The following ARHGAP26 variants were observed in gnomAD, a reference collection of about 807,000 sequenced individuals.
ARHGAP26 encodes the protein rho GTPase-activating protein 26.
A neutral mutation model predicts 104.8 loss-of-function variants in ARHGAP26; 38 were observed. That is an observed-to-expected ratio of 0.36 (90% CI 0.28 to 0.48). The LOEUF is 0.48. Among genes scored for constraint, ARHGAP26 ranks in the 20% least tolerant of loss-of-function variants. The pLI is 0.99. For synonymous variants in ARHGAP26, 341 were observed against 340.0 expected (o/e 1.00, Z -0.03); for missense variants, 704 against 947.9 (o/e 0.74, Z 3.38).
At chr5:142,780,742 C>T (rs1398933746) in intron 1 of ARHGAP26, among the ~76,000 whole-genome samples, 7 of 152,058 alleles carry the variant, frequency 4.6e-5, no homozygotes, top group Non-Finnish European at 7.4e-5. Context: ...TCAGGAGATT[C>T]GGCAGGTTTG....
intron 7 of ARHGAP26, among the ~76,000 whole-genome samples, chr5:142,902,621 C>T (rs1489927344): frequency 2.0e-5 from 3 of 152,220 alleles, no homozygotes; most frequent in African/African-American, 7.2e-5. Context: ...GAGCCCCCTT[C>T]TTCACTGTGG....
chr5:142,800,861 C>A (rs186155844), intron 1 of ARHGAP26, among the ~76,000 whole-genome samples: 9 of 152,222 alleles, frequency 5.9e-5, no homozygotes, highest in African/African-American at 2.2e-4. Context: ...GGGAGGAAAG[C>A]GGAGGCCGTG....
intron 11 of ARHGAP26, among the ~76,000 whole-genome samples, chr5:142,993,672 T>C (rs1402959129): frequency 2.0e-5 from 3 of 152,118 alleles, no homozygotes. Context: ...AGGGCCTCGC[T>C]CTGTCACCCA....
intron 20 of ARHGAP26, among the ~76,000 whole-genome samples, chr5:143,148,526 G>A (rs1273164608): frequency 6.6e-6 from 1 of 152,188 alleles, no homozygotes; most frequent in Non-Finnish European, 1.5e-5. Flanking sequence ...GATCTTTTTA[G>A]TTGTTGGCAG....
chr5:142,977,542 T>C (rs1441936963), intron 11 of ARHGAP26, among the ~76,000 whole-genome samples: 1 of 152,104 alleles, frequency 6.6e-6, no homozygotes, highest in Admixed American at 6.6e-5. Flanking sequence ...GGTGTTTTTT[T>C]CCCCCTGCTG....
chr5:142,995,338 A>C (rs1412703867), intron 11 of ARHGAP26, among the ~76,000 whole-genome samples: 1 of 152,216 alleles, frequency 6.6e-6, no homozygotes, highest in Non-Finnish European at 1.5e-5. Context: ...AACCCCATCA[A>C]AAAGTGGATG....
At position 142,873,386 on chromosome 5, in the gene ARHGAP26, CTT is replaced by C; in HGVS notation, c.155-10_155-9del. 1.9e-6 allele frequency: 3 copies of C among 1,587,728 alleles called. No homozygotes were observed. Among genetic ancestry groups the C allele is most frequent in the Non-Finnish European group, 2.6e-6 (3 of 1,170,158 alleles). The stretch of plus-strand genomic sequence containing the variant: ...TTTAGTAATTCCTGATTTTTCCTGT[CTT>C]TTTCTTGCTAGATTTGTCTTCAGCG... On this transcript the variant is annotated splice_polypyrimidine_tract_variant and intron_variant, in intron 1 of 22. Coordinates refer to ENST00000645722, the MANE Select transcript of ARHGAP26 (RefSeq NM_001135608.3).
At chr5:142,929,356 G>C (rs933720247) in intron 10 of ARHGAP26, among the ~76,000 whole-genome samples, 2 of 152,202 alleles carry the variant, frequency 1.3e-5, no homozygotes, top group Non-Finnish European at 1.5e-5. Context: ...AGGTCTCAAA[G>C]TATGTTATTG....
intron 17 of ARHGAP26, among the ~76,000 whole-genome samples, chr5:143,094,410 C>A (rs1279002380): frequency 6.6e-6 from 1 of 152,168 alleles, no homozygotes. Flanking sequence ...TGATTTCTCA[C>A]CCCTGAGGCT....
intron 21 of ARHGAP26, among the ~76,000 whole-genome samples, chr5:143,209,550 G>A (rs976343708): frequency 6.6e-6 from 1 of 152,164 alleles, no homozygotes; most frequent in Admixed American, 6.5e-5. Flanking sequence ...GGAGGCCAAG[G>A]TGGGGAGATC....
intron 13 of ARHGAP26, among the ~76,000 whole-genome samples, chr5:143,037,623 G>A (rs1782850479): frequency 6.6e-6 from 1 of 152,152 alleles, no homozygotes; most frequent in Admixed American, 6.5e-5. Context: ...CATAATTTGG[G>A]AGCAGTGATA....
intron 11 of ARHGAP26, among the ~76,000 whole-genome samples, chr5:143,001,034 T>TA (rs929062037): frequency 8.0e-5 from 12 of 149,368 alleles, no homozygotes; most frequent in South Asian, 4.3e-4. Flanking sequence ...TCCCAGAACT[T>TA]AAAAAAAAAA....
intron 11 of ARHGAP26, 22 bp downstream of exon 11, chr5:142,932,147 T>G (rs777641645): frequency 2.5e-6 from 4 of 1,610,630 alleles, no homozygotes; most frequent in Non-Finnish European, 3.4e-6. Context: ...TTCAGGGAAG[T>G]AGAGCAAGAA....
intron 17 of ARHGAP26, among the ~76,000 whole-genome samples, chr5:143,075,171 G>T (rs1788811198): frequency 6.6e-6 from 1 of 152,156 alleles, no homozygotes; most frequent in African/African-American, 2.4e-5. Context: ...AACAAGAGTT[G>T]TCATAATTTT....
At chr5:142,863,185 A>G (rs2152315305) in intron 1 of ARHGAP26, among the ~76,000 whole-genome samples, 1 of 148,132 alleles carries the variant, frequency 6.8e-6, no homozygotes, top group South Asian at 2.1e-4. Flanking sequence ...ATCTCGGCTC[A>G]CTGCAAGCCC....
At chr5:142,913,072 C>A in intron 9 of ARHGAP26, 127 bp from the exon 10 acceptor site, 1 of 812,930 alleles carries the variant, frequency 1.2e-6, no homozygotes, top group Non-Finnish European at 2.1e-6. Context: ...CCTTCCACTG[C>A]CCATGGTCAT....
Position 143,197,104 on chromosome 5 carries a change from AT to A in ARHGAP26, c.1989-10087del, listed in dbSNP as rs556581894. On this transcript the variant is annotated intron_variant, in intron 20 of 22. Coordinates refer to ENST00000645722, the MANE Select transcript of ARHGAP26 (RefSeq NM_001135608.3). ...ACCATTGTATTAATACACAAAAATT[AT>A]TTTTTTATTCCACTTTTTCTAAAAT... Among the ~76,000 whole-genome samples, 292 of 152,182 alleles carry A rather than the reference AT, an allele frequency of 1.9e-3. 1 individual carries two copies. The highest frequency in any genetic ancestry group is 2.7e-3 in the Non-Finnish European group (184 of 67,974).
In ARHGAP26 at chr5:142,770,406, T is replaced by C. The variant is rs1318281268; in HGVS notation, c.-356T>C. The C allele has an allele frequency of 5.2e-6, 1 of 191,030 alleles. No individual in the cohort carries two copies. The highest frequency in any genetic ancestry group is 1.1e-5 in the Non-Finnish European group (1 of 91,134). The allele number at this position is 191,030 out of a possible 1,614,324, so 11.8% of individuals were successfully genotyped here. ...ACCGGCGGGGCGGCCGAGGCTGCTG[T>C]GAGAGGGCGCTCGAGGCTGCCGAGA... On this transcript the variant is annotated 5_prime_UTR_variant, in exon 1 of 23. Transcript: ENST00000645722.
chr5:142,849,170 C>T (rs1314492267), intron 1 of ARHGAP26, among the ~76,000 whole-genome samples: 1 of 152,190 alleles, frequency 6.6e-6, no homozygotes, highest in Non-Finnish European at 1.5e-5. Context: ...GCAGTTTTGA[C>T]AAATGATTTG....
Sources: gnomAD v4.1 joint callset for allele counts (sites outside exome capture counted in the v4.1 genomes callset) on GRCh38, gnomAD v4.1.1 for gene constraint, MANE v1.5 for transcripts, NCBI Gene and HGNC (gene_info 2026-07-23, HGNC 2026-07-21) for gene names.